Variants in TANC2 observed in about 807,000 individuals in gnomAD.
TANC2 encodes protein TANC2.
In TANC2, 26 loss-of-function variants were observed where a neutral mutation model predicts 210.5. The observed-to-expected ratio is 0.12, with a 90% CI of 0.09 to 0.17. TANC2 has a LOEUF of 0.17. Among genes scored for constraint, TANC2 ranks in the 10% least tolerant of loss-of-function variants. The pLI, the probability that TANC2 is intolerant of heterozygous loss-of-function variation, is 1.00. For synonymous variants in TANC2, 931 were observed against 967.1 expected, an observed-to-expected ratio of 0.96 and a Z score of 0.69; for missense variants, 2,129 against 2,608.9, an observed-to-expected ratio of 0.82 and a Z score of 4.01.
In TANC2 at chr17:63,200,960, G is replaced by A; in HGVS notation, c.769+3G>A. The A allele has an allele frequency of 3.1e-6, 5 of 1,600,274 alleles. No homozygotes were observed. The highest frequency in any genetic ancestry group is 4.3e-6 in the Non-Finnish European group (5 of 1,174,242). ...AAGCAGAGATAGTGGCATCATTGGT[G>A]AGTTGGTTTTTATATTGATAATTTT... On this transcript the variant is annotated splice_donor_region_variant and intron_variant, in intron 7 of 27. Coordinates refer to ENST00000689528, the Ensembl canonical transcript of TANC2.
chr17:63,243,407 AAAAT>A (rs1342595175), intron 8 of TANC2, among the ~76,000 whole-genome samples: 2 of 152,236 alleles, frequency 1.3e-5, no homozygotes, highest in African/African-American at 4.8e-5. Flanking sequence ...GAAGACAGAT[AAAAT>A]AAAGTTTTAT....
intron 1 of TANC2, among the ~76,000 whole-genome samples, chr17:62,972,517 T>A (rs569368455): frequency 3.9e-5 from 6 of 152,336 alleles, no homozygotes; most frequent in East Asian, 3.9e-4. Flanking sequence ...TGTGTTTTTT[T>A]AAAAATCCAA....
chr17:63,335,286 C>T (rs1480369879), intron 11 of TANC2, among the ~76,000 whole-genome samples: 2 of 152,086 alleles, frequency 1.3e-5, no homozygotes, highest in African/African-American at 2.4e-5. Context: ...AAATGAGAGT[C>T]ATTCAACAAA....
At chr17:63,177,280 A>C (rs562338723) in intron 5 of TANC2, among the ~76,000 whole-genome samples, 266 of 151,650 alleles carry the variant, frequency 1.8e-3, no homozygotes, top group Non-Finnish European at 2.4e-3. Flanking sequence ...AAAAAAAAAA[A>C]AAACACAAAA....
intron 6 of TANC2, among the ~76,000 whole-genome samples, chr17:63,199,569 A>G (rs546496475): frequency 6.6e-6 from 1 of 151,764 alleles, no homozygotes; most frequent in Non-Finnish European, 1.5e-5. Context: ...CAGTGAGTTG[A>G]GATTGTGCCA....
chr17:63,013,081 G>T (rs2033944473), intron 2 of TANC2, among the ~76,000 whole-genome samples: 3 of 148,686 alleles, frequency 2.0e-5, no homozygotes, highest in Admixed American at 2.0e-4. Flanking sequence ...TTTTTTAAGA[G>T]ATGGGGTCTC....
At chr17:63,008,926 A>G (rs1438047734) in intron 1 of TANC2, among the ~76,000 whole-genome samples, 1 of 152,084 alleles carries the variant, frequency 6.6e-6, no homozygotes, top group Non-Finnish European at 1.5e-5. Context: ...TGAAAGGTAG[A>G]CAGTATTTAT....
chr17:63,282,169 G>A (rs1254917362), intron 9 of TANC2, among the ~76,000 whole-genome samples: 1 of 151,818 alleles, frequency 6.6e-6, no homozygotes, highest in African/African-American at 2.4e-5. Flanking sequence ...AATGAACAAA[G>A]CCAGAATTCG....
intron 4 of TANC2, among the ~76,000 whole-genome samples, chr17:63,140,471 C>T (rs1003815576): frequency 6.6e-6 from 1 of 152,166 alleles, no homozygotes; most frequent in Non-Finnish European, 1.5e-5. Flanking sequence ...AGACTTTCAT[C>T]ATGATTTTTC....
At chr17:63,086,136 T>G (rs1428289967) in intron 3 of TANC2, among the ~76,000 whole-genome samples, 1 of 152,136 alleles carries the variant, frequency 6.6e-6, no homozygotes, top group East Asian at 1.9e-4. Context: ...GGTAAGGTTT[T>G]TTTCCCTCTG....
intron 7 of TANC2, among the ~76,000 whole-genome samples, chr17:63,223,032 A>G (rs977102258): frequency 6.6e-6 from 1 of 152,186 alleles, no homozygotes; most frequent in Non-Finnish European, 1.5e-5. Flanking sequence ...GCCAGACACA[A>G]AAGGCCAAAT....
chr17:63,179,582 C>T (rs894544181), intron 5 of TANC2, among the ~76,000 whole-genome samples: 2 of 152,148 alleles, frequency 1.3e-5, no homozygotes, highest in Non-Finnish European at 2.9e-5. Flanking sequence ...ACTTCAAACA[C>T]TGTTTTAAAA....
intron 5 of TANC2, among the ~76,000 whole-genome samples, chr17:63,168,236 C>T (rs1032482663): frequency 2.0e-5 from 3 of 152,084 alleles, no homozygotes; most frequent in Non-Finnish European, 2.9e-5. Context: ...GCAGTAGTTT[C>T]GGAGGAGAGG....
chr17:63,372,768 A>T (rs2047309011), intron 14 of TANC2, among the ~76,000 whole-genome samples: 1 of 152,120 alleles, frequency 6.6e-6, no homozygotes, highest in Non-Finnish European at 1.5e-5. Flanking sequence ...TTGTAAAGTA[A>T]CTTTGAATCA....
At chr17:63,051,945 G>A (rs948913887) in intron 2 of TANC2, among the ~76,000 whole-genome samples, 5 of 152,072 alleles carry the variant, frequency 3.3e-5, no homozygotes, top group Non-Finnish European at 4.4e-5. Flanking sequence ...CTTACAATGG[G>A]TTTATCAAGA....
At chr17:63,259,135 C>A (rs746800330) in intron 8 of TANC2, among the ~76,000 whole-genome samples, 2 of 152,094 alleles carry the variant, frequency 1.3e-5, no homozygotes, top group Non-Finnish European at 2.9e-5. Flanking sequence ...AGCTAGGGCC[C>A]GAAATAGGGG....
chr17:63,184,655 C>CTT (rs202114362), intron 5 of TANC2, among the ~76,000 whole-genome samples: 232 of 140,124 alleles, frequency 1.7e-3, no homozygotes, highest in Non-Finnish European at 2.2e-3. Flanking sequence ...AGTATGTATT[C>CTT]TTTTTTTTTT....
intron 9 of TANC2, among the ~76,000 whole-genome samples, chr17:63,279,431 G>C (rs1346673675): frequency 2.6e-5 from 4 of 151,824 alleles, no homozygotes; most frequent in Non-Finnish European, 4.4e-5. Flanking sequence ...AGGTCACAGA[G>C]TTGTTATGTC....
At chr17:63,155,221 A>T (rs2039795552) in intron 5 of TANC2, 1 of 152,008 alleles carries the variant, frequency 6.6e-6, no homozygotes, top group Admixed American at 6.6e-5. Flanking sequence ...AAAAACAAAA[A>T]CAAAAACAAA....
Sources: gnomAD v4.1 joint callset for allele counts (sites outside exome capture counted in the v4.1 genomes callset) on GRCh38, gnomAD v4.1.1 for gene constraint, MANE v1.5 for transcripts, NCBI Gene and HGNC (gene_info 2026-07-23, HGNC 2026-07-21) for gene names.